The following RNASEL variants were observed in gnomAD, a reference collection of about 807,000 sequenced individuals.
The protein encoded by RNASEL is ribonuclease L.
Under a neutral mutation model 50.9 loss-of-function variants are expected in RNASEL, and 36 were observed. The ratio of observed to expected loss-of-function variants is 0.71; its 90% CI spans 0.54 to 0.93. The LOEUF is 0.93. Ranked by LOEUF, RNASEL falls within the 40% of genes least tolerant of loss-of-function variation. RNASEL has a pLI of 0.00. For missense variants in RNASEL, 860 were observed against 894.5 expected, an observed-to-expected ratio of 0.96 and a Z score of 0.49; for synonymous variants, 335 against 335.6, an observed-to-expected ratio of 1.00 and a Z score of 0.02.
chr1:182,585,468 C>T lies in RNASEL; in HGVS notation c.1339G>A (p.Val447Met), dbSNP rs1661574314. Residue 447 changes from valine to methionine, a missense_variant, in exon 2 of 7, where the codon GTG becomes ATG. Physicochemically the swap from Val to Met is conservative, Grantham distance 21. Transcript: ENST00000367559. The part of the protein sequence containing the change: ...CEQTLEACLD[V>M]HRGEDVENEE... ...TTTTCCACATCTTCCCCTCTGTGCA[C>T]ATCCAAACACGCTTCCAGAGTCTGC... The T allele has an allele frequency of 6.2e-7, 1 of 1,614,204 alleles. No homozygotes were observed. Among genetic ancestry groups the T allele is most frequent in the Non-Finnish European group, 8.5e-7 (1 of 1,180,052 alleles).
At position 182,574,134 on chromosome 1, in the gene RNASEL, G is replaced by A. The variant is rs573129140; in HGVS notation, c.*1258C>T. 4 of 218,542 alleles carry A rather than the reference G, an allele frequency of 1.8e-5. No homozygotes were observed. The highest frequency in any genetic ancestry group is 2.8e-5 in the Non-Finnish European group (3 of 109,040). 13.5% of individuals were successfully genotyped at this position (218,542 alleles called of 1,614,324 possible). A position where few individuals can be genotyped will look rare whatever the true frequency, so the allele number is the denominator to read the frequency against. ...ATACATTATAAAGCACCAGAAAAACGTAAGACAGTATTATTATTCATGTAC... is the reference window on the plus strand; with the variant it reads ...ATACATTATAAAGCACCAGAAAAACATAAGACAGTATTATTATTCATGTAC... On this transcript the variant is annotated 3_prime_UTR_variant, in exon 7 of 7. Coordinates refer to ENST00000367559, the MANE Select transcript of RNASEL (RefSeq NM_021133.4).
chr1:182,588,139 G>A lies in RNASEL; in HGVS notation c.-165+1028C>T, dbSNP rs114901091. On this transcript the variant is annotated intron_variant, in intron 1 of 6. Transcript: ENST00000367559. ...TTGACCTACAATATTTTCAATTTAG[G>A]ATGGGTTTATCTGTATGTAACCCCA... Among the ~76,000 whole-genome samples the A allele has an allele frequency of 9.8e-3, 1,486 of 152,252 alleles. 25 individuals are homozygous for A. Among genetic ancestry groups the A allele is most frequent in the African/African-American group, 0.033 (1,359 of 41,538 alleles).
rs147890567 is a variant in RNASEL at position 182,581,346 on chromosome 1, G to A, written c.1784C>T (p.Thr595Met). ...FFWTWESRYR[T>M]LRNVGNESDI... ...GGATTCATTTCCCACATTCCGAAGC[G>A]TCCTATAGCGGCTGAAGATGACTAA... Residue 595 changes from threonine to methionine, a missense_variant, in exon 5 of 7, where the codon ACG becomes ATG. Thr to Met is a moderately conservative substitution (Grantham distance 81). Coordinates refer to ENST00000367559, the MANE Select transcript of RNASEL (RefSeq NM_021133.4). 6.5e-5 allele frequency: 105 copies of A among 1,613,712 alleles called. No homozygotes were observed. The East Asian group carries it at 9.6e-4, about 15-fold the overall frequency.
At chr1:182,587,048 A>AT (rs1661614841) in intron 1 of RNASEL, 78 bp from the exon 2 acceptor site, 3 of 398,164 alleles carry the variant, frequency 7.5e-6, no homozygotes, top group South Asian at 4.7e-5. Context: ...TTATATTAGC[A>AT]TTTTTTCTAA....
At chr1:182,582,487 T>C (rs1298746638) in intron 3 of RNASEL, among the ~76,000 whole-genome samples, 1 of 152,164 alleles carries the variant, frequency 6.6e-6, no homozygotes, top group Non-Finnish European at 1.5e-5. Flanking sequence ...AAGTCACAGT[T>C]GTTAGGGCAG....
rs1661506642 is a variant in RNASEL, at chr1:182,582,085, C to T, written c.1740G>A (p.Leu580=). The change falls in exon 4 of 7, where the codon CTG becomes CTA. Residue 580 remains leucine, a synonymous_variant. Transcript: ENST00000367559. ...GEHVRDCLSD[L]LGHPFFWTWE... The stretch of plus-strand genomic sequence containing the variant: ...AAGTCCAAAAGAAGGGATGACCCAG[C>T]AGGTCACTCAGACAGTCCCTCACAT... The T allele has an allele frequency of 5.0e-6, 8 of 1,614,182 alleles. No homozygotes were observed. Among genetic ancestry groups the T allele is most frequent in the African/African-American group, 1.3e-5 (1 of 75,038 alleles).
Position 182,586,132 on chromosome 1 carries a change from C to A in RNASEL, c.675G>T (p.Leu225=). ...DSDVEAITHL[L]LDHGADVNVR... is the part of the protein sequence containing the mutation. ...CATTGACATCAGCCCCATGGTCCAG[C>A]AGCAGATGCGTAATAGCCTCCACAT... Residue 225 remains leucine (L), a synonymous_variant, in exon 2 of 7, where the codon CTG becomes CTT. Coordinates refer to ENST00000367559, the MANE Select transcript of RNASEL (RefSeq NM_021133.4). 6.2e-7 allele frequency: 1 copy of A among 1,614,198 alleles called. No individual in the cohort carries two copies. The highest frequency in any genetic ancestry group is 8.5e-7 in the Non-Finnish European group (1 of 1,180,038).
chr1:182,587,631 A>T (rs1385292670), intron 1 of RNASEL, among the ~76,000 whole-genome samples: 2 of 150,732 alleles, frequency 1.3e-5, no homozygotes, highest in African/African-American at 4.9e-5. Flanking sequence ...AAAAAAAAAA[A>T]GACCATGAAA....
intron 3 of RNASEL, 107 bp downstream of exon 3, chr1:182,583,974 A>G: frequency 1.2e-6 from 1 of 826,788 alleles, no homozygotes. Flanking sequence ...ACTCCCTTTC[A>G]TATATACATA....
At chr1:182,576,558 C>T (rs900734070) in intron 5 of RNASEL, among the ~76,000 whole-genome samples, 169 bp from the exon 6 acceptor site, 1 of 152,066 alleles carries the variant, frequency 6.6e-6, no homozygotes, top group African/African-American at 2.4e-5. Context: ...ATGCTGTATA[C>T]CAAAATGCTA....
chr1:182,573,875 T>A lies in RNASEL; in HGVS notation c.*1517A>T. Reference sequence around the variant, plus strand: ...TCAGAAAGAACCTAAGGTACTGTTTTATTCCCATTACAAAGCTCCATCTCA... The same window carrying A: ...TCAGAAAGAACCTAAGGTACTGTTTAATTCCCATTACAAAGCTCCATCTCA... On this transcript the variant is annotated 3_prime_UTR_variant, in exon 7 of 7. Coordinates refer to ENST00000367559, the MANE Select transcript of RNASEL (RefSeq NM_021133.4). 1 of 195,572 alleles carries A rather than the reference T, an allele frequency of 5.1e-6. No homozygotes were observed. The highest frequency in any genetic ancestry group is 1.1e-5 in the Non-Finnish European group (1 of 94,132). The allele number at this position is 195,572 out of a possible 1,614,324, so 12.1% of individuals were successfully genotyped here.
chr1:182,588,854 G>A (rs1025194544), intron 1 of RNASEL, among the ~76,000 whole-genome samples: 1 of 152,226 alleles, frequency 6.6e-6, no homozygotes, highest in Non-Finnish European at 1.5e-5. Context: ...TGACGCATCA[G>A]AGTAGAGAAG....
intron 1 of RNASEL, 39 bp from the exon 2 acceptor site, chr1:182,587,009 G>A: frequency 1.8e-6 from 1 of 551,334 alleles, no homozygotes. Flanking sequence ...TTTACAATAG[G>A]GAGAAAACAC....
chr1:182,579,858 G>T, intron 5 of RNASEL: 3 of 585,412 alleles, frequency 5.1e-6, no homozygotes, highest in South Asian at 4.5e-5. Context: ...TAAATGAGTT[G>T]GTAGACTTGA....
At chr1:182,581,052 T>G (rs754574861) in intron 5 of RNASEL, among the ~76,000 whole-genome samples, 173 bp downstream of exon 5, 3 of 152,070 alleles carry the variant, frequency 2.0e-5, no homozygotes, top group Admixed American at 6.5e-5. Flanking sequence ...AAAGTAGAAG[T>G]AGACACCCCG....
chr1:182,579,779 C>G (rs1358826254), intron 5 of RNASEL: 1 of 1,122,654 alleles, frequency 8.9e-7, no homozygotes, highest in Admixed American at 2.9e-5. Context: ...CTTTCCAGGT[C>G]TGCCAATCTC....
intron 3 of RNASEL, among the ~76,000 whole-genome samples, chr1:182,582,464 A>G (rs1331900203): frequency 6.6e-6 from 1 of 152,250 alleles, no homozygotes; most frequent in Non-Finnish European, 1.5e-5. Context: ...TATGAAGAGT[A>G]AAAGATACAT....
Position 182,581,214 on chromosome 1 carries a change from A to C in RNASEL, c.1905+11T>G, listed in dbSNP as rs375104781. The C allele has an allele frequency of 1.2e-6, 2 of 1,614,034 alleles. No individual in the cohort carries two copies. The highest frequency in any genetic ancestry group is 3.3e-5 in the Admixed American group (2 of 60,002). The stretch of plus-strand genomic sequence containing the variant: ...CTGGACTAACCCCTGCACTATAGGA[A>C]TTGTTCATACCTTAGTCGTCCACTT... On this transcript the variant is annotated intron_variant, in intron 5 of 6. Coordinates refer to ENST00000367559, the MANE Select transcript of RNASEL (RefSeq NM_021133.4).
chr1:182,577,786 C>T (rs1302831523), intron 5 of RNASEL, among the ~76,000 whole-genome samples: 1 of 152,088 alleles, frequency 6.6e-6, no homozygotes, highest in Non-Finnish European at 1.5e-5. Context: ...TAAAAATAGA[C>T]ACATAGATCA....
Sources: allele counts gnomAD v4.1 joint callset (sites outside exome capture counted in the v4.1 genomes callset), GRCh38; gene constraint gnomAD v4.1.1; transcripts MANE v1.5; gene names NCBI Gene and HGNC (gene_info 2026-07-23, HGNC 2026-07-21).